Variants in KLF17 observed in about 807,000 individuals in gnomAD.
KLF17 encodes the protein KLF transcription factor 17, also known as Krueppel-like factor 17.
A neutral mutation model predicts 34.2 loss-of-function variants in KLF17; 31 were observed. The observed-to-expected ratio is 0.91, with a 90% CI of 0.68 to 1.22. The LOEUF (loss-of-function observed/expected upper bound fraction) is 1.22, where lower values mean the gene tolerates loss of function less well. Ranked by LOEUF, KLF17 falls within the 50% of genes most tolerant of loss-of-function variation. The probability of loss-of-function intolerance (pLI) is 0.00; values close to 1 mark genes in which losing one functional copy is unlikely to be tolerated. For missense variants in KLF17, 478 were observed against 505.2 expected, an observed-to-expected ratio of 0.95 and a Z score of 0.52; for synonymous variants, 179 against 186.7, an observed-to-expected ratio of 0.96 and a Z score of 0.34.
the KLF17 span, among the ~76,000 whole-genome samples, chr1:44,051,781 T>C: frequency 1.3e-5 from 2 of 151,970 alleles, no homozygotes; most frequent in Admixed American, 6.6e-5. Context: ...CACTTGGCCA[T>C]GCAAGGCCTC....
the KLF17 span, among the ~76,000 whole-genome samples, chr1:44,060,252 T>C: frequency 6.6e-6 from 1 of 152,078 alleles, no homozygotes; most frequent in African/African-American, 2.4e-5. Flanking sequence ...GGGGGATCAC[T>C]TGAGGTCAGG....
chr1:44,094,260 G>C, the KLF17 span, among the ~76,000 whole-genome samples: 3 of 152,112 alleles, frequency 2.0e-5, no homozygotes, highest in Non-Finnish European at 2.9e-5. Context: ...TGTCAGATGG[G>C]TAGTTTGCAA....
the KLF17 span, among the ~76,000 whole-genome samples, chr1:44,078,490 T>C: frequency 6.6e-6 from 1 of 150,684 alleles, no homozygotes; most frequent in Non-Finnish European, 1.5e-5. Context: ...TGCAGTGCAG[T>C]GCAGTGGCGC....
the KLF17 span, among the ~76,000 whole-genome samples, chr1:44,089,084 C>A: frequency 6.6e-6 from 1 of 152,042 alleles, no homozygotes; most frequent in African/African-American, 2.4e-5. Flanking sequence ...GGTGTTAAAT[C>A]TTCAAGAAGG....
chr1:44,121,450 A>T (rs1483904074), intron 1 of KLF17, among the ~76,000 whole-genome samples: 1 of 152,232 alleles, frequency 6.6e-6, no homozygotes, highest in Non-Finnish European at 1.5e-5. Flanking sequence ...TGCAAGCCTT[A>T]TTCAAATGCC....
chr1:44,127,679 T>TTTC, intron 1 of KLF17, among the ~76,000 whole-genome samples: 1 of 40,120 alleles, frequency 2.5e-5, no homozygotes. Flanking sequence ...TCTTTCTTTC[T>TTTC]TTCTTTCTTT....
the KLF17 span, among the ~76,000 whole-genome samples, chr1:44,081,419 T>C: frequency 2.3e-4 from 32 of 140,244 alleles, no homozygotes; most frequent in African/African-American, 8.1e-4. Context: ...CCATGGTAGT[T>C]TTTTTTTTTT....
chr1:44,058,131 G>A, the KLF17 span, among the ~76,000 whole-genome samples: 5 of 152,136 alleles, frequency 3.3e-5, no homozygotes, highest in Non-Finnish European at 7.3e-5. Flanking sequence ...CCCAGCAGGC[G>A]TCCTGAGCCT....
chr1:44,118,838 C>A lies in KLF17; in HGVS notation c.-70C>A. On this transcript the variant is annotated 5_prime_UTR_variant, in exon 1 of 4. An upstream open reading frame in the 5' UTR gains an earlier in-frame stop. Transcript: ENST00000372299. ...ATTGTGGCGTGGCGATGTACCGATA[C>A]CCGCCTGCGACGCCGTGGTGGCTGG... 1.6e-6 allele frequency: 2 copies of A among 1,229,686 alleles called. No individual in the cohort carries two copies. Among genetic ancestry groups the A allele is most frequent in the East Asian group, 2.8e-5 (1 of 35,378 alleles). 76.2% of individuals were successfully genotyped at this position (1,229,686 alleles called of 1,614,324 possible).
At chr1:44,079,075 T>C in the KLF17 span, among the ~76,000 whole-genome samples, 1 of 151,646 alleles carries the variant, frequency 6.6e-6, no homozygotes, top group Non-Finnish European at 1.5e-5. Context: ...TAACAGTATG[T>C]TGAATTTTTA....
At chr1:44,049,162 C>T in the KLF17 span, among the ~76,000 whole-genome samples, 6 of 152,132 alleles carry the variant, frequency 3.9e-5, no homozygotes, top group Non-Finnish European at 4.4e-5. Context: ...GTAGAGAGAG[C>T]ATGAGCAAGC....
chr1:44,082,670 A>G, the KLF17 span, among the ~76,000 whole-genome samples: 1 of 152,242 alleles, frequency 6.6e-6, no homozygotes, highest in African/African-American at 2.4e-5. Context: ...CACAAAAGCC[A>G]TACACCAATA....
the KLF17 span, chr1:44,103,478 C>A: frequency 1.1e-5 from 10 of 918,250 alleles, no homozygotes; most frequent in Admixed American, 1.5e-4. Context: ...GGCCGGGGCT[C>A]GTGAGGCCCC....
chr1:44,122,586 T>C lies in KLF17; in HGVS notation c.81+3598T>C, dbSNP rs181597047. 1.4e-3 allele frequency: 1,024 copies of C among 731,392 alleles called. 4 individuals carry two copies. In the African/African-American group the frequency reaches 0.016, roughly 12 times the overall value. 45.3% of individuals were successfully genotyped at this position (731,392 alleles called of 1,614,324 possible). On this transcript the variant is annotated intron_variant, in intron 1 of 3. Transcript: ENST00000372299. ...AACCGAATACTGACCGACTGCAGTA[T>C]GAATGGCCGTTTTTGGTTTTTTTTT...
chr1:44,053,819 T>C, the KLF17 span, among the ~76,000 whole-genome samples: 1 of 152,162 alleles, frequency 6.6e-6, no homozygotes, highest in African/African-American at 2.4e-5. Flanking sequence ...AATATTACTA[T>C]CCACTTGTTG....
the KLF17 span, among the ~76,000 whole-genome samples, chr1:44,084,679 C>CAA: frequency 7.7e-6 from 1 of 129,112 alleles, no homozygotes; most frequent in Non-Finnish European, 1.7e-5. Context: ...GATCTTGTCT[C>CAA]AAAAAAAAAA....
At chr1:44,127,767 C>T in intron 1 of KLF17, among the ~76,000 whole-genome samples, 1 of 126,502 alleles carries the variant, frequency 7.9e-6, no homozygotes, top group Non-Finnish European at 1.7e-5. Flanking sequence ...TCTTTCTTCT[C>T]TTCTTTCTTT....
At chr1:44,091,635 CAA>C in the KLF17 span, among the ~76,000 whole-genome samples, 1,030 of 79,000 alleles carry the variant, frequency 0.013, 1 homozygote, top group Middle Eastern at 0.029. Context: ...GACTCCATCT[CAA>C]AAAAAAAAAA....
At chr1:44,069,818 A>G in the KLF17 span, 4 of 152,224 alleles carry the variant, frequency 2.6e-5, no homozygotes, top group Non-Finnish European at 5.9e-5. This position sits in a 1 kb window ranked among gnomAD's most constrained non-coding sequence, Gnocchi z 4.7. Flanking sequence ...TCAGGATGCC[A>G]TGTTCCAATC....
Sources: gnomAD v4.1 joint callset for allele counts (sites outside exome capture counted in the v4.1 genomes callset) on GRCh38, gnomAD v4.1.1 for gene constraint, Gnocchi (gnomAD v3.1) non-coding constraint, MANE v1.5 for transcripts, NCBI Gene and HGNC (gene_info 2026-07-23, HGNC 2026-07-21) for gene names.